The following CAST variants were observed in gnomAD, a reference collection of about 807,000 sequenced individuals.
CAST encodes calpastatin.
In CAST, 76 loss-of-function variants were observed where a neutral mutation model predicts 119.6. The ratio of observed to expected loss-of-function variants is 0.64; its 90% confidence interval spans 0.53 to 0.77. CAST has a LOEUF of 0.77. CAST is among the 30% of genes least tolerant of loss of function. The pLI is 0.00. For missense variants in CAST, 953 were observed against 946.5 expected (o/e 1.01, Z -0.09); for synonymous variants, 319 against 331.6 (o/e 0.96, Z 0.41).
chr5:96,466,750 C>T, the CAST span, among the ~76,000 whole-genome samples: 1 of 152,110 alleles, frequency 6.6e-6, no homozygotes, highest in African/African-American at 2.4e-5. Flanking sequence ...TCCAACTACT[C>T]TTCTTTATGT....
At position 96,535,756 on chromosome 5, in the gene CAST, G is replaced by T. The variant is rs542664876; in HGVS notation, c.60+5876G>T. Among the ~76,000 whole-genome samples, 10 of 151,178 alleles carry T rather than the reference G, an allele frequency of 6.6e-5. No individual in the cohort carries two copies. The South Asian group carries it at 1.7e-3, about 25-fold the overall frequency. On this transcript the variant is annotated intron_variant, in intron 1 of 11. Coordinates refer to the CAST transcript ENST00000505143. ...GCCCGGCTAATTTTTTGTATTTTTG[G>T]TAGAGACGGGGTTTCACCGTGTTAG... is the stretch of plus-strand genomic sequence containing the variant.
At chr5:96,655,630 A>C (rs147112834) in intron 1 of CAST, among the ~76,000 whole-genome samples, 4 of 152,352 alleles carry the variant, frequency 2.6e-5, no homozygotes, top group Non-Finnish European at 5.9e-5. Context: ...CTTGCAATGC[A>C]TTTGCCTTAT....
At chr5:96,665,585 A>G (rs188083128) in intron 1 of CAST, among the ~76,000 whole-genome samples, 2 of 152,270 alleles carry the variant, frequency 1.3e-5, no homozygotes, top group African/African-American at 4.8e-5. Context: ...TGAGAATCAA[A>G]TGGGATTTAT....
At chr5:96,017,875 AAAAATTTATATT>A in the CAST span, among the ~76,000 whole-genome samples, 1 of 152,216 alleles carries the variant, frequency 6.6e-6, no homozygotes, top group Non-Finnish European at 1.5e-5. Context: ...CTAAGGTTAC[AAAAATTTATATT>A]AAAATTTATA....
At chr5:96,523,449 A>G (rs1173361154), upstream of CAST, among the ~76,000 whole-genome samples, 4 of 152,368 alleles carry the variant, frequency 2.6e-5, no homozygotes, top group East Asian at 7.7e-4. Context: ...CCACATGTTC[A>G]GTATCCTCAG....
chr5:96,378,221 C>G, the CAST span, among the ~76,000 whole-genome samples: 1 of 152,036 alleles, frequency 6.6e-6, no homozygotes, highest in Non-Finnish European at 1.5e-5. Flanking sequence ...TTCAGTTATA[C>G]AAAATGAATA....
chr5:96,400,876 A>G, the CAST span, among the ~76,000 whole-genome samples: 1 of 151,556 alleles, frequency 6.6e-6, no homozygotes, highest in African/African-American at 2.4e-5. Context: ...TCACAAGGTC[A>G]GGAGATCGAG....
chr5:96,685,098 C>A (rs531122869), intron 2 of CAST, among the ~76,000 whole-genome samples: 1 of 150,938 alleles, frequency 6.6e-6, no homozygotes, highest in Non-Finnish European at 1.5e-5. Context: ...TAATAATATA[C>A]CCTTCATTAT....
At chr5:96,240,127 A>G in the CAST span, among the ~76,000 whole-genome samples, 8 of 152,266 alleles carry the variant, frequency 5.3e-5, no homozygotes, top group South Asian at 1.7e-3. Context: ...TATACCATAG[A>G]TTATTTTCAT....
chr5:96,051,287 T>C, the CAST span, among the ~76,000 whole-genome samples: 6,977 of 152,192 alleles, frequency 0.046, 299 homozygotes, highest in African/African-American at 0.094. Flanking sequence ...AGTATGACTT[T>C]TAAACAACAA....
chr5:96,457,180 A>C, the CAST span, among the ~76,000 whole-genome samples: 1 of 152,052 alleles, frequency 6.6e-6, no homozygotes. Flanking sequence ...ACACCAAATC[A>C]ATCCTCACAT....
the CAST span, among the ~76,000 whole-genome samples, chr5:96,347,191 A>G: frequency 6.6e-6 from 1 of 152,150 alleles, no homozygotes; most frequent in Non-Finnish European, 1.5e-5. Context: ...TTTACCAGTC[A>G]AGTCATCCTG....
chr5:96,194,386 A>G, the CAST span, among the ~76,000 whole-genome samples: 1 of 152,172 alleles, frequency 6.6e-6, no homozygotes, highest in African/African-American at 2.4e-5. Context: ...GGTGATTTTA[A>G]TGATTTAAGA....
intron 12 of CAST, 111 bp from the exon 13 acceptor site, chr5:96,740,634 A>G (rs756227230): frequency 3.4e-5 from 26 of 759,552 alleles, no homozygotes; most frequent in Non-Finnish European, 5.4e-5. Flanking sequence ...AGACTTGAAC[A>G]TATAGATCTG....
At chr5:96,160,419 A>G in the CAST span, among the ~76,000 whole-genome samples, 1 of 152,180 alleles carries the variant, frequency 6.6e-6, no homozygotes, top group Non-Finnish European at 1.5e-5. Context: ...AGGTTCATCC[A>G]TGTTGTAGCA....
chr5:96,560,601 T>A (rs200937512), intron 1 of CAST, among the ~76,000 whole-genome samples: 51,405 of 151,900 alleles, frequency 0.34, 9,340 homozygotes, highest in Middle Eastern at 0.46. Context: ...ACATGAAAAA[T>A]TGCTCATCAT....
chr5:95,961,883 G>T, the CAST span: 1 of 906,250 alleles, frequency 1.1e-6, no homozygotes, highest in Non-Finnish European at 1.5e-6. Context: ...TGCCACCGCC[G>T]CCACCCGCCC....
chr5:96,335,665 G>A, the CAST span, among the ~76,000 whole-genome samples: 12 of 151,956 alleles, frequency 7.9e-5, 1 homozygote, highest in Non-Finnish European at 1.8e-4. Flanking sequence ...CAAGCTTTAG[G>A]CTCACCAATT....
chr5:96,199,832 G>C, the CAST span, among the ~76,000 whole-genome samples: 3 of 152,070 alleles, frequency 2.0e-5, no homozygotes, highest in Admixed American at 6.6e-5. Context: ...TAATTTTATG[G>C]TGAAAATATT....
Sources: allele counts gnomAD v4.1 joint callset (sites outside exome capture counted in the v4.1 genomes callset), GRCh38; gene constraint gnomAD v4.1.1; transcripts MANE v1.5; gene names NCBI Gene and HGNC (gene_info 2026-07-23, HGNC 2026-07-21).